PIK3R3: variants seen among roughly 807,000 people sequenced by gnomAD.
PIK3R3 encodes the protein phosphatidylinositol 3-kinase regulatory subunit gamma.
A neutral mutation model predicts 62.9 loss-of-function variants in PIK3R3; 64 were observed. The observed-to-expected ratio is 1.02, with a 90% CI of 0.83 to 1.25. The LOEUF (loss-of-function observed/expected upper bound fraction) is 1.25. PIK3R3 is among the 50% of genes most tolerant of loss of function. The pLI, the probability that PIK3R3 is intolerant of heterozygous loss-of-function variation, is 0.00. For missense variants in PIK3R3, 614 were observed against 561.6 expected (o/e 1.09, Z -0.94); for synonymous variants, 165 against 189.0 (o/e 0.87, Z 1.04).
chr1:46,062,932 G>T (rs1162382523), intron 5 of PIK3R3, among the ~76,000 whole-genome samples: 3 of 152,098 alleles, frequency 2.0e-5, no homozygotes, highest in Non-Finnish European at 4.4e-5. Context: ...GACTTTAGGG[G>T]GGCACCACAC....
At chr1:46,104,961 G>C in intron 1 of PIK3R3, 2 of 534,660 alleles carry the variant, frequency 3.7e-6, no homozygotes, top group East Asian at 3.7e-5. Flanking sequence ...CACACACTAA[G>C]TCATCTCCAA....
chr1:46,060,703 C>T (rs1648403719), intron 6 of PIK3R3, among the ~76,000 whole-genome samples: 1 of 152,186 alleles, frequency 6.6e-6, no homozygotes, highest in African/African-American at 2.4e-5. Context: ...GCTACACTGC[C>T]TCACAGCACT....
the PIK3R3 span, among the ~76,000 whole-genome samples, chr1:46,154,026 TAATAAAGAC>T: frequency 6.6e-6 from 1 of 152,144 alleles, no homozygotes; most frequent in Non-Finnish European, 1.5e-5. Flanking sequence ...GTAAGTCACA[TAATAAAGAC>T]ACTGCATGTA....
chr1:46,129,013 G>A (rs1286514886), intron 1 of PIK3R3, among the ~76,000 whole-genome samples: 1 of 151,992 alleles, frequency 6.6e-6, no homozygotes, highest in Non-Finnish European at 1.5e-5. Context: ...GGAGATTGCA[G>A]TGAGCCAAGA....
chr1:46,092,898 T>A (rs1400228938), intron 1 of PIK3R3, among the ~76,000 whole-genome samples: 1 of 152,168 alleles, frequency 6.6e-6, no homozygotes, highest in Non-Finnish European at 1.5e-5. Context: ...AGACCCCGAC[T>A]ATAGCTCAAT....
chr1:46,087,666 C>T (rs1651214051), intron 1 of PIK3R3, among the ~76,000 whole-genome samples: 1 of 133,930 alleles, frequency 7.5e-6, no homozygotes, highest in Non-Finnish European at 1.5e-5. Context: ...AATTCCTGGG[C>T]TCAAATGATC....
chr1:46,159,835 A>G, the PIK3R3 span, among the ~76,000 whole-genome samples: 1 of 152,132 alleles, frequency 6.6e-6, no homozygotes, highest in African/African-American at 2.4e-5. Flanking sequence ...AGCATAGCCA[A>G]AGGAAACTAC....
upstream of PIK3R3, chr1:46,132,962 G>A: frequency 1.8e-6 from 2 of 1,117,852 alleles, no homozygotes; most frequent in Middle Eastern, 3.7e-4. Context: ...AGTGCCGGGA[G>A]CACGCGAGCC....
At chr1:46,073,802 T>G (rs531914918) in intron 3 of PIK3R3, among the ~76,000 whole-genome samples, 8 of 149,204 alleles carry the variant, frequency 5.4e-5, no homozygotes, top group African/African-American at 1.7e-4. Flanking sequence ...TTTTTTTTTT[T>G]TTTTAGTATT....
intron 4 of PIK3R3, among the ~76,000 whole-genome samples, chr1:46,066,683 G>A (rs980912352): frequency 2.6e-5 from 4 of 152,004 alleles, no homozygotes; most frequent in Non-Finnish European, 4.4e-5. Context: ...CCCAGCTACC[G>A]GGGAGGCTGA....
At chr1:46,091,076 C>T (rs975548052) in intron 1 of PIK3R3, among the ~76,000 whole-genome samples, 3 of 151,274 alleles carry the variant, frequency 2.0e-5, no homozygotes, top group Non-Finnish European at 4.4e-5. Context: ...GTCATCTTCT[C>T]GCCTCACCCT....
chr1:46,155,764 AT>A, the PIK3R3 span, among the ~76,000 whole-genome samples: 2 of 152,112 alleles, frequency 1.3e-5, no homozygotes, highest in Non-Finnish European at 2.9e-5. Context: ...GCCCAGCCTA[AT>A]TTTTTTAAAA....
At chr1:46,065,631 C>T (rs537591322) in intron 5 of PIK3R3, among the ~76,000 whole-genome samples, 1 of 152,178 alleles carries the variant, frequency 6.6e-6, no homozygotes, top group Non-Finnish European at 1.5e-5. Flanking sequence ...AGATAGAGAA[C>T]CTTCCTTTCT....
intron 6 of PIK3R3, among the ~76,000 whole-genome samples, chr1:46,057,879 GC>G (rs35767332): frequency 0.46 from 69,621 of 152,006 alleles, 16,085 homozygotes; most frequent in East Asian, 0.62. Context: ...AGAAATTCAA[GC>G]CGGCTGCAGA....
intron 1 of PIK3R3, among the ~76,000 whole-genome samples, chr1:46,106,386 A>T (rs1375449656): frequency 1.3e-5 from 2 of 152,138 alleles, no homozygotes; most frequent in Admixed American, 6.6e-5. Flanking sequence ...GATTACAGGC[A>T]TAAGCTATCA....
At chr1:46,133,683 C>T (rs1237715125), upstream of PIK3R3, among the ~76,000 whole-genome samples, 1 of 152,118 alleles carries the variant, frequency 6.6e-6, no homozygotes, top group African/African-American at 2.4e-5. Flanking sequence ...TTGGACATTT[C>T]TGAGGGAGGC....
chr1:46,116,406 T>C (rs1654192223), intron 1 of PIK3R3, among the ~76,000 whole-genome samples: 1 of 152,128 alleles, frequency 6.6e-6, no homozygotes, highest in Admixed American at 6.5e-5. Flanking sequence ...TAGTCTCACC[T>C]ACTTGGGAGG....
Position 46,046,537 on chromosome 1 carries a change from TAG to T in PIK3R3, c.1016+12_1016+13del. On this transcript the variant is annotated intron_variant, in intron 8 of 9. Coordinates refer to ENST00000262741, the MANE Select transcript of PIK3R3 (RefSeq NM_003629.4). ...AACAAAGCCCTCTGACAGAAAGGTA[TAG>T]AGAGAACTTACTCATCAGCATCCTC... is the stretch of plus-strand genomic sequence containing the variant. The T allele has an allele frequency of 6.4e-7, 1 of 1,558,126 alleles. No individual in the cohort carries two copies. Among genetic ancestry groups the T allele is most frequent in the Non-Finnish European group, 8.9e-7 (1 of 1,128,812 alleles).
chr1:46,114,619 T>C (rs2149459340), intron 1 of PIK3R3, among the ~76,000 whole-genome samples: 1 of 152,186 alleles, frequency 6.6e-6, no homozygotes, highest in South Asian at 2.1e-4. Flanking sequence ...TTGTTTTTGT[T>C]TTTTGAGATA....
Sources: gnomAD v4.1 joint callset for allele counts (sites outside exome capture counted in the v4.1 genomes callset) on GRCh38, gnomAD v4.1.1 for gene constraint, MANE v1.5 for transcripts, NCBI Gene and HGNC (gene_info 2026-07-23, HGNC 2026-07-21) for gene names.